GEMIN5: variants seen among roughly 807,000 people sequenced by gnomAD.
GEMIN5 encodes gem nuclear organelle associated protein 5.
GEMIN5 carries 124 observed loss-of-function variants against 176.9 expected under a neutral mutation model. The observed-to-expected ratio is 0.70, with a 90% CI of 0.61 to 0.81. The LOEUF is 0.81. Ranked by LOEUF, GEMIN5 falls within the 40% of genes least tolerant of loss-of-function variation. The pLI is 0.00. For synonymous variants in GEMIN5, 673 were observed against 665.2 expected, an observed-to-expected ratio of 1.01 and a Z score of -0.18; for missense variants, 1,843 against 1,814.6, an observed-to-expected ratio of 1.02 and a Z score of -0.28.
chr5:154,889,439 G>A (rs771760575), intron 26 of GEMIN5, 22 bp from the exon 27 acceptor site: 3 of 1,385,002 alleles, frequency 2.2e-6, no homozygotes, highest in African/African-American at 2.8e-5. Flanking sequence ...AATAAAAGGT[G>A]TAAATTGTAT....
intron 20 of GEMIN5, 43 bp from the exon 21 acceptor site, chr5:154,901,529 A>G (rs1032976763): frequency 7.5e-6 from 12 of 1,602,972 alleles, no homozygotes; most frequent in Middle Eastern, 3.3e-4. Flanking sequence ...AGTTGAAGAA[A>G]AAGTAAAAAC....
intron 24 of GEMIN5, 115 bp downstream of exon 24, chr5:154,895,977 A>C: frequency 8.0e-7 from 1 of 1,255,026 alleles, no homozygotes; most frequent in South Asian, 1.4e-5. Flanking sequence ...GCCATGCCTT[A>C]GCCTTTTCTG....
At chr5:154,933,683 T>A (rs1561731277) in intron 3 of GEMIN5, among the ~76,000 whole-genome samples, 2 of 151,990 alleles carry the variant, frequency 1.3e-5, no homozygotes, top group African/African-American at 4.8e-5. Flanking sequence ...CAGCTTTATT[T>A]ATTTTTTTTT....
intron 24 of GEMIN5, among the ~76,000 whole-genome samples, chr5:154,894,536 C>T (rs561342371): frequency 2.0e-5 from 3 of 152,050 alleles, no homozygotes; most frequent in South Asian, 2.1e-4. Flanking sequence ...TTTGGGAGGC[C>T]GAGGCAGGTG....
intron 21 of GEMIN5, 119 bp downstream of exon 21, chr5:154,901,220 A>G: frequency 1.1e-6 from 1 of 946,230 alleles, no homozygotes; most frequent in Non-Finnish European, 1.6e-6. Flanking sequence ...AGTCCCAGTT[A>G]CTCAGGGGGC....
chr5:154,916,074 G>A (rs1157852596), intron 13 of GEMIN5, among the ~76,000 whole-genome samples: 1 of 151,760 alleles, frequency 6.6e-6, no homozygotes, highest in Non-Finnish European at 1.5e-5. Flanking sequence ...TTTTTGTATA[G>A]GTGGGGTCTC....
chr5:154,888,221 A>C lies in GEMIN5; in HGVS notation c.4516T>G (p.Phe1506Val), dbSNP rs751036539. The change falls in exon 28 of 28, where the codon TTC becomes GTC. Residue 1506 changes from phenylalanine (F) to valine (V), a missense_variant. Phe to Val is a conservative substitution (Grantham distance 50). Transcript: ENST00000285873. ...TKTYRRHCQT[F>V]CM ...AGGTGTGTGAAAATTCACATACAGAAGGTCTGGCAGTGTCTTCTGTAAGTT... is the reference window on the plus strand; with the variant it reads ...AGGTGTGTGAAAATTCACATACAGACGGTCTGGCAGTGTCTTCTGTAAGTT... The C allele has an allele frequency of 7.4e-6, 12 of 1,614,114 alleles. No homozygotes were observed. The highest frequency in any genetic ancestry group is 1.0e-5 in the Non-Finnish European group (12 of 1,179,996).
chr5:154,919,483 T>G lies in GEMIN5; in HGVS notation c.1599+484A>C, dbSNP rs1262168459. Among the ~76,000 whole-genome samples the G allele has an allele frequency of 2.6e-5, 4 of 152,232 alleles. No homozygotes were observed. In the East Asian group the frequency reaches 7.7e-4, roughly 29 times the overall value. On this transcript the variant is annotated intron_variant, in intron 11 of 27. Coordinates refer to ENST00000285873, the MANE Select transcript of GEMIN5 (RefSeq NM_015465.5). ...GGATATAAGCAAATTATGTGTATTA[T>G]TTTTGTAGCTTCGTGTAAATCTAGA... is the stretch of plus-strand genomic sequence containing the variant.
chr5:154,933,163 C>T lies in GEMIN5; in HGVS notation c.510-913G>A, dbSNP rs115282394. 7.9e-3 allele frequency among the ~76,000 whole-genome samples: 1,202 copies of T among 152,366 alleles called. 10 individuals carry two copies. Among genetic ancestry groups the T allele is most frequent in the African/African-American group, 0.028 (1,160 of 41,582 alleles). ...CATTCCACTTCAATCAAACCTCTCT[C>T]CTTGCCAGATCTCTTCTCCTTTTCT... On this transcript the variant is annotated intron_variant, in intron 3 of 27. Coordinates refer to ENST00000285873, the MANE Select transcript of GEMIN5 (RefSeq NM_015465.5).
intron 13 of GEMIN5, among the ~76,000 whole-genome samples, chr5:154,915,636 T>C (rs188518541): frequency 1.6e-3 from 238 of 152,316 alleles, no homozygotes; most frequent in Non-Finnish European, 2.7e-3. Flanking sequence ...CTTGAATAAG[T>C]TAGCTAACCT....
At position 154,891,500 on chromosome 5, in the gene GEMIN5, G is replaced by A; in HGVS notation, c.4003C>T (p.Pro1335Ser). Residue 1335 changes from proline (P) to serine (S), a missense_variant, in exon 26 of 28, where the codon CCA becomes TCA. Coordinates refer to ENST00000285873, the MANE Select transcript of GEMIN5 (RefSeq NM_015465.5). ...ETDPETSQPE[P>S]NRPSELDLRL... The stretch of plus-strand genomic sequence containing the variant: ...AAGTCTAGTTCTGAAGGCCTGTTTG[G>A]CTCTGGCTGAGAAGTTTCAGGGTCC... The A allele has an allele frequency of 6.2e-7, 1 of 1,614,134 alleles. No individual in the cohort carries two copies.
chr5:154,892,528 C>A lies in GEMIN5; in HGVS notation c.3619G>T (p.Asp1207Tyr). The change falls in exon 25 of 28, where the codon GAC (aspartate) becomes TAC (tyrosine). Residue 1207 changes from aspartate (D) to tyrosine (Y), a missense_variant. Asp to Tyr is a radical substitution (Grantham distance 160, BLOSUM62 -3). Coordinates refer to ENST00000285873, the MANE Select transcript of GEMIN5 (RefSeq NM_015465.5). ...AKQLLLHICH[D>Y]LTLAVLSQQM... ...TGGCTCAGCACTGCCAGGGTCAAGT[C>A]ATGGCAAATGTGAAGCAGGAGCTGG... The A allele has an allele frequency of 6.2e-7, 1 of 1,614,076 alleles. No homozygotes were observed. The highest frequency in any genetic ancestry group is 2.2e-5 in the East Asian group (1 of 44,886).
At position 154,917,103 on chromosome 5, in the gene GEMIN5, T is replaced by C. The variant is rs1184826965; in HGVS notation, c.1750A>G (p.Ile584Val). The change falls in exon 13 of 28, where the codon ATT becomes GTT. Residue 584 changes from isoleucine (I) to valine (V), a missense_variant. Transcript: ENST00000285873. ...CTGCCATGCTCATGATGCCAGCTAATGGTATTCACAAGCTTGTGATGCTGT... is the reference window on the plus strand; with the variant it reads ...CTGCCATGCTCATGATGCCAGCTAACGGTATTCACAAGCTTGTGATGCTGT... ...IQQHHKLVNT[I>V]SWHHEHGSQP... 6.2e-7 allele frequency: 1 copy of C among 1,608,204 alleles called. No individual in the cohort carries two copies. The highest frequency in any genetic ancestry group is 8.5e-7 in the Non-Finnish European group (1 of 1,175,510).
At chr5:154,910,794 C>G (rs11952692) in intron 15 of GEMIN5, among the ~76,000 whole-genome samples, 144,680 of 152,274 alleles carry the variant, frequency 0.95, 68,899 homozygotes, top group South Asian at 0.99. Flanking sequence ...CGCCTCCTGG[C>G]TTCACGCCAT....
At chr5:154,935,819 A>G (rs753622179) in intron 3 of GEMIN5, 22 bp downstream of exon 3, 2 of 1,551,086 alleles carry the variant, frequency 1.3e-6, no homozygotes, top group Admixed American at 3.5e-5. Flanking sequence ...AAAATCATCA[A>G]TACAGATGGC....
At chr5:154,933,451 T>A (rs767864443) in intron 3 of GEMIN5, among the ~76,000 whole-genome samples, 21 of 151,200 alleles carry the variant, frequency 1.4e-4, no homozygotes, top group Non-Finnish European at 2.4e-4. Context: ...AGTTTATTCA[T>A]TTTCCTTTTG....
rs755440353 is a variant in GEMIN5, at chr5:154,921,401, A to G, written c.1404T>C (p.Tyr468=). 1.3e-6 allele frequency: 2 copies of G among 1,483,662 alleles called. No individual in the cohort carries two copies. Among genetic ancestry groups the G allele is most frequent in the Non-Finnish European group, 1.8e-6 (2 of 1,082,200 alleles). 91.9% of individuals were successfully genotyped at this position (1,483,662 alleles called of 1,614,324 possible). A position where few individuals can be genotyped will look rare whatever the true frequency, so the allele number is the denominator to read the frequency against. The change falls in exon 10 of 28, where the codon TAT becomes TAC. Residue 468 remains tyrosine (Y), a synonymous_variant. Coordinates refer to ENST00000285873, the MANE Select transcript of GEMIN5 (RefSeq NM_015465.5). Reference sequence around the variant, plus strand: ...CTAAAGTATATACAGTCTTCTTATGATATGTGCTAGAAATCTGTGGAGGCC... The same window carrying G: ...CTAAAGTATATACAGTCTTCTTATGGTATGTGCTAGAAATCTGTGGAGGCC... ...SNKPPQISST[Y]HKKTVYTLAW...
At chr5:154,907,970 A>G in intron 15 of GEMIN5, 152 bp from the exon 16 acceptor site, 1 of 630,666 alleles carries the variant, frequency 1.6e-6, no homozygotes, top group Non-Finnish European at 2.8e-6. Flanking sequence ...TTATCACAAT[A>G]TTAACCAAAC....
intron 13 of GEMIN5, among the ~76,000 whole-genome samples, chr5:154,916,786 T>A (rs1220084551): frequency 6.6e-6 from 1 of 152,222 alleles, no homozygotes; most frequent in Non-Finnish European, 1.5e-5. Flanking sequence ...TGAGCAACTG[T>A]GCCTGGCCAA....
Sources: allele counts gnomAD v4.1 joint callset (sites outside exome capture counted in the v4.1 genomes callset), GRCh38; gene constraint gnomAD v4.1.1; transcripts MANE v1.5; gene names NCBI Gene and HGNC (gene_info 2026-07-23, HGNC 2026-07-21).